The following DLC1 variants were observed in gnomAD, a reference collection of about 807,000 sequenced individuals.
DLC1 encodes the protein DLC1 Rho GTPase activating protein.
Under a neutral mutation model 140.3 loss-of-function variants are expected in DLC1, and 54 were observed. The ratio of observed to expected loss-of-function variants is 0.38; its 90% CI spans 0.31 to 0.48. The LOEUF (loss-of-function observed/expected upper bound fraction) is 0.48. Ranked by LOEUF, DLC1 falls within the 20% of genes least tolerant of loss-of-function variation. DLC1 has a pLI of 0.96. For missense variants in DLC1, 2,536 were observed against 1,907.0 expected (o/e 1.33, Z -6.14); for synonymous variants, 986 against 728.1 (o/e 1.35, Z -5.70).
In DLC1 at chr8:13,362,246, T is replaced by C. The variant is rs140971619; in HGVS notation, c.1314+31307A>G. ...TTCATAGGATGTGGAAGCTGAGCAA[T>C]ACAGCTTAGATGACTTACTGGAAGT... On this transcript the variant is annotated intron_variant, in intron 4 of 17. Transcript: ENST00000276297. Among the ~76,000 whole-genome samples the C allele has an allele frequency of 2.3e-3, 346 of 152,296 alleles. 8 individuals carry two copies. Among genetic ancestry groups the C allele is most frequent in the Admixed American group, 0.016 (245 of 15,298 alleles).
chr8:13,401,152 C>G (rs1198307210), intron 3 of DLC1, among the ~76,000 whole-genome samples: 1 of 152,172 alleles, frequency 6.6e-6, no homozygotes, highest in Non-Finnish European at 1.5e-5. Flanking sequence ...CTAACAGAGT[C>G]TCTCTCGTAT....
intron 4 of DLC1, among the ~76,000 whole-genome samples, chr8:13,344,269 G>T (rs1834209300): frequency 6.6e-6 from 1 of 152,100 alleles, no homozygotes; most frequent in African/African-American, 2.4e-5. Context: ...TGAGGCAGAG[G>T]GATCACCTAA....
At chr8:13,244,299 T>A (rs1365809633) in intron 5 of DLC1, among the ~76,000 whole-genome samples, 1 of 85,186 alleles carries the variant, frequency 1.2e-5, no homozygotes, top group Non-Finnish European at 2.5e-5. Context: ...CCTTTCCAAT[T>A]TTTTTTTTTT....
intron 2 of DLC1, among the ~76,000 whole-genome samples, chr8:13,449,087 C>T (rs1015924221): frequency 6.6e-6 from 1 of 152,190 alleles, no homozygotes; most frequent in East Asian, 1.9e-4. Flanking sequence ...AAGCCACAAT[C>T]ATTCCAGAGG....
intron 2 of DLC1, among the ~76,000 whole-genome samples, chr8:13,466,546 C>T (rs2117047826): frequency 6.6e-6 from 1 of 152,290 alleles, no homozygotes; most frequent in South Asian, 2.1e-4. Flanking sequence ...TACCTGGTCA[C>T]AGGTCAGATA....
chr8:13,232,978 G>A (rs905683479), intron 5 of DLC1, among the ~76,000 whole-genome samples: 1 of 152,070 alleles, frequency 6.6e-6, no homozygotes, highest in African/African-American at 2.4e-5. Flanking sequence ...TGAACAAAAG[G>A]AATCATTAAA....
At chr8:13,246,879 A>G (rs765529080) in intron 5 of DLC1, among the ~76,000 whole-genome samples, 5 of 152,152 alleles carry the variant, frequency 3.3e-5, no homozygotes, top group Non-Finnish European at 7.3e-5. Flanking sequence ...GCACCCCATC[A>G]TTTAGATCAT....
chr8:13,196,381 A>G (rs1350970688), intron 5 of DLC1, among the ~76,000 whole-genome samples: 1 of 152,200 alleles, frequency 6.6e-6, no homozygotes, highest in Non-Finnish European at 1.5e-5. Context: ...AAACAAAACA[A>G]GAAGACACTT....
chr8:13,307,995 A>G (rs751446180), intron 4 of DLC1, among the ~76,000 whole-genome samples: 1 of 152,220 alleles, frequency 6.6e-6, no homozygotes, highest in African/African-American at 2.4e-5. Flanking sequence ...ACATTTAGGC[A>G]TTGTCTAAAG....
chr8:13,519,213 C>T (rs58439081), upstream of DLC1, among the ~76,000 whole-genome samples: 3,393 of 150,746 alleles, frequency 0.023, 154 homozygotes, highest in African/African-American at 0.078. Flanking sequence ...CTGCAAGCTC[C>T]GCCTCCTAGG....
chr8:13,502,900 A>T (rs1011093946), intron 1 of DLC1, among the ~76,000 whole-genome samples: 1 of 152,164 alleles, frequency 6.6e-6, no homozygotes, highest in African/African-American at 2.4e-5. Context: ...GGGATTTTTC[A>T]CTTCTTAAAT....
rs56728281 is a variant in DLC1 at position 13,088,216 on chromosome 8, A to C, written c.4292+271T>G. Among the ~76,000 whole-genome samples the C allele has an allele frequency of 4.7e-3, 714 of 152,288 alleles. 14 individuals are homozygous for C. The highest frequency in any genetic ancestry group is 0.046 in the East Asian group (236 of 5,172). ...TGCCTCGGCCTCCCGAGTAGCTAGG[A>C]CTACAGGCATGCACCACAACATCTA... is the stretch of plus-strand genomic sequence containing the variant. On this transcript the variant is annotated intron_variant, in intron 16 of 17. Coordinates refer to ENST00000276297, the MANE Select transcript of DLC1 (RefSeq NM_182643.3).
At chr8:13,396,210 C>G (rs1409511853) in intron 3 of DLC1, among the ~76,000 whole-genome samples, 5 of 151,850 alleles carry the variant, frequency 3.3e-5, no homozygotes, top group African/African-American at 7.3e-5. Context: ...CAGGCGCCCA[C>G]CACCACACCC....
rs763099740 is a variant in DLC1, at chr8:13,092,578, C to G, written c.3740+34G>C. On this transcript the variant is annotated intron_variant, in intron 13 of 17. Coordinates refer to ENST00000276297, the MANE Select transcript of DLC1 (RefSeq NM_182643.3). ...AGTCCTAGGAAGAATGTAGGCTGCC[C>G]CCTGTGTGCATGCACCTCCCATGCA... 24 of 1,586,636 alleles carry G rather than the reference C, an allele frequency of 1.5e-5. No individual in the cohort carries two copies. In the African/African-American group the frequency reaches 3.1e-4, roughly 21 times the overall value.
At chr8:13,446,083 C>T (rs1235536099) in intron 2 of DLC1, among the ~76,000 whole-genome samples, 1 of 152,096 alleles carries the variant, frequency 6.6e-6, no homozygotes, top group African/African-American at 2.4e-5. Context: ...GATTTAGTAA[C>T]ATATCAATTA....
chr8:13,370,969 G>A (rs1330461174), intron 4 of DLC1, among the ~76,000 whole-genome samples: 1 of 152,098 alleles, frequency 6.6e-6, no homozygotes, highest in East Asian at 1.9e-4. Context: ...CTCTGATGTG[G>A]GTGACGTACT....
chr8:13,248,712 C>T (rs2117273646), intron 5 of DLC1, among the ~76,000 whole-genome samples: 1 of 152,284 alleles, frequency 6.6e-6, no homozygotes, highest in Middle Eastern at 3.4e-3. Flanking sequence ...ATTCTGATCT[C>T]ATCCTTCCAT....
chr8:13,335,144 T>C (rs1833766810), intron 4 of DLC1, among the ~76,000 whole-genome samples: 1 of 152,040 alleles, frequency 6.6e-6, no homozygotes, highest in Non-Finnish European at 1.5e-5. Context: ...CAGGATGAGA[T>C]CTTCCAAAGA....
At chr8:13,288,164 T>C (rs960274826) in intron 5 of DLC1, among the ~76,000 whole-genome samples, 14 of 152,316 alleles carry the variant, frequency 9.2e-5, no homozygotes, top group African/African-American at 2.6e-4. Flanking sequence ...TGTATACTTA[T>C]TAAAAGTTTG....
Sources: allele counts gnomAD v4.1 joint callset (sites outside exome capture counted in the v4.1 genomes callset), GRCh38; gene constraint gnomAD v4.1.1; transcripts MANE v1.5; gene names NCBI Gene and HGNC (gene_info 2026-07-23, HGNC 2026-07-21).